The following WDFY3 variants were observed in gnomAD, a reference collection of about 807,000 sequenced individuals.
WDFY3 encodes the protein WD repeat and FYVE domain containing 3.
WDFY3 carries 66 observed loss-of-function variants against 409.6 expected under a neutral mutation model. That is an observed-to-expected ratio of 0.16 (90% confidence interval 0.13 to 0.20). The LOEUF (loss-of-function observed/expected upper bound fraction) is 0.20, where lower values mean the gene tolerates loss of function less well. Among genes scored for constraint, WDFY3 ranks in the 10% least tolerant of loss-of-function variants. WDFY3 has a pLI of 1.00. For missense variants in WDFY3, 3,031 were observed against 4,298.1 expected (o/e 0.71, Z 8.24); for synonymous variants, 1,521 against 1,537.1 (o/e 0.99, Z 0.25).
At chr4:84,795,015 A>G (rs377154672) in intron 19 of WDFY3, 36 bp from the exon 20 acceptor site, 6 of 1,438,794 alleles carry the variant, frequency 4.2e-6, no homozygotes, top group Non-Finnish European at 5.5e-6. Flanking sequence ...ATTAGAGATC[A>G]ATGACTCCTT....
chr4:84,674,603 C>T (rs1725942934), intron 67 of WDFY3, among the ~76,000 whole-genome samples: 1 of 151,150 alleles, frequency 6.6e-6, no homozygotes, highest in Non-Finnish European at 1.5e-5. Flanking sequence ...GGTGCGGAGG[C>T]TCATGACTGT....
chr4:84,751,201 T>C, intron 36 of WDFY3: 1 of 453,758 alleles, frequency 2.2e-6, no homozygotes, highest in South Asian at 2.2e-5. Flanking sequence ...GCCCACAAGC[T>C]TAAAATATTT....
chr4:84,963,601 C>T (rs1296750175), intron 1 of WDFY3, among the ~76,000 whole-genome samples: 1 of 152,176 alleles, frequency 6.6e-6, no homozygotes, highest in Non-Finnish European at 1.5e-5. Context: ...AAGATCTCTT[C>T]ATACTGGGGG....
At chr4:84,803,082 T>C (rs1750899688) in intron 16 of WDFY3, among the ~76,000 whole-genome samples, 2 of 152,234 alleles carry the variant, frequency 1.3e-5, no homozygotes, top group Admixed American at 6.5e-5. Flanking sequence ...GTTGTCTTTG[T>C]AATGAATGAA....
intron 1 of WDFY3, among the ~76,000 whole-genome samples, 170 bp downstream of exon 1, chr4:84,966,039 C>T (rs904702973): frequency 6.6e-6 from 1 of 151,928 alleles, no homozygotes; most frequent in South Asian, 2.1e-4. Context: ...AAGGCGGACC[C>T]TGGGGAGGAC....
chr4:84,679,581 C>T (rs1016181980), intron 64 of WDFY3, among the ~76,000 whole-genome samples: 1 of 152,124 alleles, frequency 6.6e-6, no homozygotes, highest in Non-Finnish European at 1.5e-5. Context: ...TCCCTGCAGA[C>T]CTGCTCCTCC....
At chr4:84,897,635 C>T (rs1001313820) in intron 2 of WDFY3, among the ~76,000 whole-genome samples, 11 of 152,094 alleles carry the variant, frequency 7.2e-5, no homozygotes, top group African/African-American at 2.4e-4. Flanking sequence ...CTGCCCGCCT[C>T]GGTCTCCCAA....
chr4:84,731,487 T>TC (rs1173744273), intron 44 of WDFY3, among the ~76,000 whole-genome samples: 9 of 152,230 alleles, frequency 5.9e-5, no homozygotes, highest in Non-Finnish European at 1.5e-5. Context: ...TCTGTACCTG[T>TC]CTCTCCTTCC....
chr4:84,679,841 T>TATATATAC (rs1235574031), intron 64 of WDFY3, among the ~76,000 whole-genome samples: 75 of 141,308 alleles, frequency 5.3e-4, no homozygotes, highest in African/African-American at 1.9e-3. Flanking sequence ...TATATATATA[T>TATATATAC]ACACACACAC....
chr4:84,750,942 A>G (rs1293112976), intron 36 of WDFY3, among the ~76,000 whole-genome samples: 2 of 152,256 alleles, frequency 1.3e-5, no homozygotes, highest in Non-Finnish European at 2.9e-5. Flanking sequence ...CACTGACAAC[A>G]GTAATACCTG....
chr4:84,888,804 A>G (rs1764557166), intron 3 of WDFY3, among the ~76,000 whole-genome samples: 1 of 151,644 alleles, frequency 6.6e-6, no homozygotes, highest in Non-Finnish European at 1.5e-5. Context: ...TTTGCAACAC[A>G]GGAATCAGCA....
intron 2 of WDFY3, among the ~76,000 whole-genome samples, chr4:84,923,338 A>C (rs2150883240): frequency 6.6e-6 from 1 of 152,332 alleles, no homozygotes; most frequent in Non-Finnish European, 1.5e-5. Context: ...ACAAATTCTT[A>C]ACATCCCAAC....
intron 67 of WDFY3, among the ~76,000 whole-genome samples, chr4:84,673,362 T>C (rs1409648113): frequency 6.6e-6 from 1 of 152,182 alleles, no homozygotes; most frequent in Non-Finnish European, 1.5e-5. Flanking sequence ...TGTCTTTACC[T>C]GGAGCTTGAC....
intron 32 of WDFY3, among the ~76,000 whole-genome samples, chr4:84,763,050 T>TA (rs933267065): frequency 1.2e-4 from 18 of 151,188 alleles, no homozygotes; most frequent in South Asian, 2.1e-4. Context: ...TTGCAAGTCC[T>TA]AAAAAAAAAC....
At chr4:84,683,846 C>T (rs940833761) in intron 63 of WDFY3, 97 bp downstream of exon 63, 32 of 1,318,550 alleles carry the variant, frequency 2.4e-5, no homozygotes, top group Non-Finnish European at 3.1e-5. Flanking sequence ...CTAAACATTA[C>T]AACTTGTTCA....
chr4:84,755,404 C>G lies in WDFY3; in HGVS notation c.5425-4G>C, dbSNP rs1741263235. ...TCCAAATGGAATCCAAATCAAACTG[C>G]AGAGGTGAAAGGGAGCAAATATTAG... On this transcript the variant is annotated splice_polypyrimidine_tract_variant and splice_region_variant and intron_variant, in intron 33 of 67. Transcript: ENST00000295888. 3.7e-6 allele frequency: 6 copies of G among 1,604,770 alleles called. No individual in the cohort carries two copies. The African/African-American group carries it at 8.1e-5, about 22-fold the overall frequency.
Position 84,684,030 on chromosome 4 carries a change from C to T in WDFY3, c.9639G>A (p.Gln3213=). The part of the protein sequence containing the change: ...VSVNTFTGRS[Q]QIICCCMSEM... Reference sequence around the variant, plus strand: ...CCGACATGCAGCAGCAGATGATCTGCTGGCTCCTACCTGTGAACGTGTTGA... The same window carrying T: ...CCGACATGCAGCAGCAGATGATCTGTTGGCTCCTACCTGTGAACGTGTTGA... The change falls in exon 63 of 68, where the codon CAG becomes CAA. Residue 3213 remains glutamine (Q), a synonymous_variant. Coordinates refer to ENST00000295888, the MANE Select transcript of WDFY3 (RefSeq NM_014991.6). 6.2e-7 allele frequency: 1 copy of T among 1,613,880 alleles called. No individual in the cohort carries two copies. Among genetic ancestry groups the T allele is most frequent in the Non-Finnish European group, 8.5e-7 (1 of 1,179,768 alleles).
chr4:84,924,739 G>C (rs1177073540), intron 2 of WDFY3, among the ~76,000 whole-genome samples: 1 of 152,102 alleles, frequency 6.6e-6, no homozygotes, highest in Non-Finnish European at 1.5e-5. Flanking sequence ...AGGTATACTT[G>C]AACAAGGCTG....
At chr4:84,898,041 T>C (rs1279782412) in intron 2 of WDFY3, among the ~76,000 whole-genome samples, 1 of 152,172 alleles carries the variant, frequency 6.6e-6, no homozygotes, top group Non-Finnish European at 1.5e-5. Flanking sequence ...CTATGGCATA[T>C]GAAAGAGCCT....
Sources: allele counts gnomAD v4.1 joint callset (sites outside exome capture counted in the v4.1 genomes callset), GRCh38; gene constraint gnomAD v4.1.1; transcripts MANE v1.5; gene names NCBI Gene and HGNC (gene_info 2026-07-23, HGNC 2026-07-21).